The following CCDC141 variants were observed in gnomAD, a reference collection of about 807,000 sequenced individuals.
CCDC141 encodes coiled-coil domain-containing protein 141.
CCDC141 carries 168 observed loss-of-function variants against 181.0 expected under a neutral mutation model. That is an observed-to-expected ratio of 0.93 (90% CI 0.82 to 1.05). The LOEUF is 1.05. Ranked by LOEUF, CCDC141 falls within the 50% of genes least tolerant of loss-of-function variation. The probability of loss-of-function intolerance (pLI) is 0.00; values close to 1 mark genes in which losing one functional copy is unlikely to be tolerated. For missense variants in CCDC141, 1,902 were observed against 1,788.5 expected (o/e 1.06, Z -1.14); for synonymous variants, 666 against 642.3 (o/e 1.04, Z -0.56).
intron 12 of CCDC141, chr2:178,876,263 T>C (rs1254132426): frequency 6.6e-6 from 1 of 152,192 alleles, no homozygotes; most frequent in Non-Finnish European, 1.5e-5. Context: ...CTGTCAGTTA[T>C]CTTTGAAAAT....
At chr2:179,021,050 CTT>C (rs1419721767) in intron 2 of CCDC141, among the ~76,000 whole-genome samples, 1 of 152,150 alleles carries the variant, frequency 6.6e-6, no homozygotes, top group East Asian at 1.9e-4. Flanking sequence ...AAGTTAGTAA[CTT>C]AGCATAATCA....
chr2:178,979,825 T>C (rs530716158), intron 2 of CCDC141, among the ~76,000 whole-genome samples: 2 of 152,266 alleles, frequency 1.3e-5, no homozygotes, highest in South Asian at 2.1e-4. Context: ...CAGTCTTACA[T>C]CAAACAAATA....
intron 2 of CCDC141, among the ~76,000 whole-genome samples, chr2:179,044,990 T>A (rs1411911517): frequency 6.6e-6 from 1 of 152,076 alleles, no homozygotes; most frequent in African/African-American, 2.4e-5. Flanking sequence ...TCTTTCACTT[T>A]CATTTTTATT....
Position 178,905,318 on chromosome 2 carries a change from A to T in CCDC141, c.1265+11T>A, listed in dbSNP as rs970395766. ...GCTTGTTACACTGAGAAAGAAATCAACTTTACTCACCTGCAGGAGTCTACT... is the reference window on the plus strand; with the variant it reads ...GCTTGTTACACTGAGAAAGAAATCATCTTTACTCACCTGCAGGAGTCTACT... On this transcript the variant is annotated intron_variant, in intron 8 of 23. Coordinates refer to ENST00000443758, the MANE Select transcript of CCDC141 (RefSeq NM_173648.4). The T allele has an allele frequency of 4.6e-6, 7 of 1,535,080 alleles. No individual in the cohort carries two copies. Among genetic ancestry groups the T allele is most frequent in the African/African-American group, 1.4e-5 (1 of 72,136 alleles).
chr2:178,876,861 T>A (rs1441995094), intron 12 of CCDC141: 4 of 152,102 alleles, frequency 2.6e-5, no homozygotes, highest in African/African-American at 9.7e-5. Flanking sequence ...CACATTTGTA[T>A]AAAAAAGGTA....
intron 2 of CCDC141, among the ~76,000 whole-genome samples, chr2:179,035,506 T>C (rs2043119116): frequency 6.6e-6 from 1 of 152,154 alleles, no homozygotes; most frequent in Admixed American, 6.5e-5. Flanking sequence ...TGATTCTCAA[T>C]TTGGGCAGGA....
chr2:178,909,500 G>C (rs1173197998), intron 7 of CCDC141, among the ~76,000 whole-genome samples: 1 of 152,142 alleles, frequency 6.6e-6, no homozygotes, highest in Non-Finnish European at 1.5e-5. Context: ...ATAGAAATAA[G>C]AGTTAAATTT....
intron 5 of CCDC141, among the ~76,000 whole-genome samples, chr2:178,946,672 C>G (rs749378235): frequency 1.4e-4 from 21 of 152,120 alleles, no homozygotes; most frequent in Non-Finnish European, 2.4e-4. Context: ...GAGTCAAAGA[C>G]TTGTCATCTA....
At chr2:178,914,625 A>G (rs140788577) in intron 7 of CCDC141, among the ~76,000 whole-genome samples, 7 of 152,332 alleles carry the variant, frequency 4.6e-5, no homozygotes, top group Middle Eastern at 3.4e-3. Flanking sequence ...ACTGTTGTCA[A>G]TGTGGGCAAT....
At chr2:178,992,926 G>A (rs1010467161) in intron 2 of CCDC141, among the ~76,000 whole-genome samples, 2 of 152,154 alleles carry the variant, frequency 1.3e-5, no homozygotes, top group Admixed American at 1.3e-4. Flanking sequence ...GCCACCATGT[G>A]AGGAAGGATG....
At chr2:178,964,667 T>C (rs1203930061) in intron 4 of CCDC141, among the ~76,000 whole-genome samples, 1 of 152,200 alleles carries the variant, frequency 6.6e-6, no homozygotes, top group Non-Finnish European at 1.5e-5. Context: ...CCAGTTCCCT[T>C]GGTCTTTCAG....
chr2:178,970,417 A>G (rs1036656853), intron 4 of CCDC141, among the ~76,000 whole-genome samples: 2 of 152,180 alleles, frequency 1.3e-5, no homozygotes, highest in East Asian at 1.9e-4. Context: ...TGGTACCAAA[A>G]CAGATATATA....
chr2:178,847,606 C>T (rs886596150), intron 21 of CCDC141, among the ~76,000 whole-genome samples: 4 of 152,066 alleles, frequency 2.6e-5, no homozygotes, highest in Admixed American at 6.5e-5. Flanking sequence ...AATTTAGCAG[C>T]GCCAGAGGGT....
chr2:178,976,224 A>G (rs571174519), intron 3 of CCDC141, among the ~76,000 whole-genome samples: 1 of 152,348 alleles, frequency 6.6e-6, no homozygotes, highest in African/African-American at 2.4e-5. Flanking sequence ...CACAATTTAT[A>G]TGAGCATTTT....
intron 4 of CCDC141, among the ~76,000 whole-genome samples, chr2:178,963,122 G>C (rs554639811): frequency 4.6e-5 from 7 of 152,306 alleles, no homozygotes; most frequent in African/African-American, 1.4e-4. Context: ...ATGCTTGAGT[G>C]AGAAGAAATG....
intron 4 of CCDC141, among the ~76,000 whole-genome samples, chr2:178,969,352 G>A (rs1690779771): frequency 6.6e-6 from 1 of 152,116 alleles, no homozygotes; most frequent in African/African-American, 2.4e-5. Flanking sequence ...TATTCCTGAT[G>A]AACATCGACG....
At chr2:178,967,925 G>C (rs1690711765) in intron 4 of CCDC141, among the ~76,000 whole-genome samples, 1 of 151,998 alleles carries the variant, frequency 6.6e-6, no homozygotes, top group South Asian at 2.1e-4. Flanking sequence ...TAAAAAAAAA[G>C]CAAGAGTTGC....
chr2:178,821,753 G>T, the CCDC141 span, among the ~76,000 whole-genome samples: 21 of 152,116 alleles, frequency 1.4e-4, no homozygotes, highest in Non-Finnish European at 2.6e-4. Context: ...AAAAAGTTAG[G>T]AAACAACAGG....
In CCDC141 at chr2:178,855,474, T is replaced by C. The variant is rs138429319; in HGVS notation, c.2933A>G (p.Asp978Gly). Residue 978 changes from aspartate (D) to glycine (G), a missense_variant, in exon 19 of 24, where the codon GAT becomes GGT. By Grantham distance (94) the Asp-to-Gly change is moderately conservative. Coordinates refer to ENST00000443758, the MANE Select transcript of CCDC141 (RefSeq NM_173648.4). ...TSDSFLNYPS[D>G]KVNVLLEVMK... ...GACTTCCAAAAGGACATTAACTTTA[T>C]CACTTGGATAATTTAAGAAAGAATC... is the stretch of plus-strand genomic sequence containing the variant. The C allele has an allele frequency of 7.5e-6, 12 of 1,609,926 alleles. No homozygotes were observed. Among genetic ancestry groups the C allele is most frequent in the African/African-American group, 2.7e-5 (2 of 74,796 alleles).
Sources: allele counts gnomAD v4.1 joint callset (sites outside exome capture counted in the v4.1 genomes callset), GRCh38; gene constraint gnomAD v4.1.1; transcripts MANE v1.5; gene names NCBI Gene and HGNC (gene_info 2026-07-23, HGNC 2026-07-21).